CTNNA2: variants seen among roughly 807,000 people sequenced by gnomAD.
CTNNA2 encodes the protein catenin alpha 2.
A neutral mutation model predicts 101.0 loss-of-function variants in CTNNA2; 42 were observed. That is an observed-to-expected ratio of 0.42 (90% CI 0.32 to 0.54). The LOEUF is 0.54. Among genes scored for constraint, CTNNA2 ranks in the 20% least tolerant of loss-of-function variants. CTNNA2 has a pLI of 0.14. For missense variants in CTNNA2, 871 were observed against 1,223.1 expected, an observed-to-expected ratio of 0.71 and a Z score of 4.29; for synonymous variants, 450 against 456.4, an observed-to-expected ratio of 0.99 and a Z score of 0.18.
At chr2:79,422,135 GGAGTAA>G (rs1678546521) in intron 4 of CTNNA2, among the ~76,000 whole-genome samples, 1 of 152,030 alleles carries the variant, frequency 6.6e-6, no homozygotes, top group African/African-American at 2.4e-5. Flanking sequence ...CCTGGGCGTC[GGAGTAA>G]GACGCTGTCT....
intron 7 of CTNNA2, among the ~76,000 whole-genome samples, chr2:79,961,715 G>T (rs886758023): frequency 2.0e-5 from 3 of 151,974 alleles, no homozygotes; most frequent in African/African-American, 4.8e-5. Flanking sequence ...CCAGCTACTC[G>T]GGAGGCTGAG....
At chr2:79,298,084 G>T (rs959873850) in intron 2 of CTNNA2, among the ~76,000 whole-genome samples, 7 of 152,182 alleles carry the variant, frequency 4.6e-5, no homozygotes, top group African/African-American at 9.7e-5. Context: ...AATACCTGAG[G>T]CTGAGTGATT....
At chr2:80,373,034 A>G (rs1675599137) in intron 7 of CTNNA2, among the ~76,000 whole-genome samples, 1 of 152,156 alleles carries the variant, frequency 6.6e-6, no homozygotes, top group Non-Finnish European at 1.5e-5. Context: ...TTAGACGGTA[A>G]CTCCATGCAG....
At chr2:80,110,190 A>T (rs923994979) in intron 7 of CTNNA2, among the ~76,000 whole-genome samples, 4 of 152,150 alleles carry the variant, frequency 2.6e-5, no homozygotes, top group Non-Finnish European at 5.9e-5. Context: ...GACCCTGGGA[A>T]TTATCTTGTT....
chr2:79,540,964 A>C lies in CTNNA2; in HGVS notation c.-6+27757A>C, dbSNP rs563121245. Among the ~76,000 whole-genome samples the C allele has an allele frequency of 3.5e-3, 535 of 152,238 alleles. 2 individuals carry two copies. Among genetic ancestry groups the C allele is most frequent in the Non-Finnish European group, 5.4e-3 (370 of 67,998 alleles). On this transcript the variant is annotated intron_variant, in intron 1 of 18. Coordinates refer to ENST00000402739, the MANE Select transcript of CTNNA2 (RefSeq NM_001282597.3). ...ATAGCTATCGGATTGGTGTGATTAA[A>C]TGTCAAATTTTAATGTTGTGTTGAT...
intron 7 of CTNNA2, among the ~76,000 whole-genome samples, chr2:80,341,271 A>G (rs1394538460): frequency 6.6e-6 from 1 of 152,106 alleles, no homozygotes; most frequent in Non-Finnish European, 1.5e-5. Context: ...TGAAATTTAC[A>G]TGCTTTTAGT....
chr2:80,569,587 A>C (rs1010562673), intron 12 of CTNNA2, among the ~76,000 whole-genome samples: 1 of 146,238 alleles, frequency 6.8e-6, no homozygotes, highest in Admixed American at 7.1e-5. Flanking sequence ...ATATTTGAGG[A>C]AGTTTGAAAC....
In CTNNA2 at chr2:80,546,073, A is replaced by C. The variant is rs755065502; in HGVS notation, c.1540+10A>C. The C allele has an allele frequency of 2.5e-6, 4 of 1,613,324 alleles. No homozygotes were observed. The African/African-American group carries it at 5.3e-5, about 22-fold the overall frequency. On this transcript the variant is annotated intron_variant, in intron 11 of 18. Coordinates refer to ENST00000402739, the MANE Select transcript of CTNNA2 (RefSeq NM_001282597.3). ...TTCCTCTCTGTCTCAGGTAATCATC[A>C]CAAACAGGTCCCTTACAAGGCAGCT...
intron 4 of CTNNA2, among the ~76,000 whole-genome samples, chr2:79,496,954 T>G (rs4852494): frequency 0.037 from 5,636 of 152,258 alleles, 215 homozygotes; most frequent in East Asian, 0.15. Context: ...CCCTAGGCCA[T>G]ATATAGAAAA....
intron 3 of CTNNA2, among the ~76,000 whole-genome samples, chr2:79,344,396 T>C (rs955775362): frequency 6.6e-6 from 1 of 152,214 alleles, no homozygotes; most frequent in African/African-American, 2.4e-5. Context: ...TTAAATTCAG[T>C]GATATTACAA....
chr2:80,589,232 G>T, intron 14 of CTNNA2, 72 bp from the exon 15 acceptor site: 1 of 1,490,122 alleles, frequency 6.7e-7, no homozygotes, highest in East Asian at 2.3e-5. Context: ...GCCATCCGCA[G>T]AAGGCAGAGT....
intron 7 of CTNNA2, among the ~76,000 whole-genome samples, chr2:80,143,841 T>C (rs1169869143): frequency 6.6e-6 from 1 of 152,144 alleles, no homozygotes; most frequent in African/African-American, 2.4e-5. Context: ...ACCCAGTAAG[T>C]GTGACAACTT....
chr2:79,793,399 C>T (rs1675436005), intron 3 of CTNNA2, among the ~76,000 whole-genome samples: 1 of 152,210 alleles, frequency 6.6e-6, no homozygotes. Flanking sequence ...TGCACCCCAA[C>T]TGAGGGTACC....
intron 4 of CTNNA2, among the ~76,000 whole-genome samples, chr2:79,418,466 A>C (rs557405866): frequency 2.0e-5 from 3 of 152,274 alleles, no homozygotes; most frequent in African/African-American, 7.2e-5. Context: ...GACAGGGATT[A>C]GTTAAATCAA....
At chr2:79,210,704 C>T (rs1020086219) in intron 2 of CTNNA2, among the ~76,000 whole-genome samples, 1 of 152,058 alleles carries the variant, frequency 6.6e-6, no homozygotes, top group Admixed American at 6.6e-5. Flanking sequence ...TGCCAGGAGC[C>T]CTGCACCAAG....
In CTNNA2 at chr2:79,248,406, A is replaced by C. The variant is rs1481617499; in HGVS notation, c.-406+50330A>C. ...AAGTATAATTTCTATATATAATATA[A>C]AAATTATTAATGAGTTTTTTAATAT... On this transcript the variant is annotated intron_variant, in intron 2 of 21. Coordinates refer to the CTNNA2 transcript ENST00000466387. Among the ~76,000 whole-genome samples, 3 of 151,786 alleles carry C rather than the reference A, an allele frequency of 2.0e-5. No homozygotes were observed. In the East Asian group the frequency reaches 5.8e-4, roughly 29 times the overall value.
intron 2 of CTNNA2, among the ~76,000 whole-genome samples, chr2:79,301,654 T>C (rs1324696089): frequency 1.3e-5 from 2 of 151,960 alleles, no homozygotes; most frequent in East Asian, 3.9e-4. Context: ...CCACCTCTCA[T>C]CCCCCCTATC....
intron 7 of CTNNA2, among the ~76,000 whole-genome samples, chr2:80,232,997 A>G (rs1168845826): frequency 6.6e-6 from 1 of 152,130 alleles, no homozygotes; most frequent in Admixed American, 6.6e-5. Flanking sequence ...AGAAAGATCA[A>G]TTCATCTACT....
At chr2:80,528,429 C>A (rs1690228590) in intron 9 of CTNNA2, among the ~76,000 whole-genome samples, 1 of 152,166 alleles carries the variant, frequency 6.6e-6, no homozygotes, top group East Asian at 1.9e-4. Flanking sequence ...ATCTCCTGAT[C>A]TCGTGATCTG....
Sources: allele counts gnomAD v4.1 joint callset (sites outside exome capture counted in the v4.1 genomes callset), GRCh38; gene constraint gnomAD v4.1.1; transcripts MANE v1.5; gene names NCBI Gene and HGNC (gene_info 2026-07-23, HGNC 2026-07-21).